The following BICRA variants were observed in gnomAD, a reference collection of about 807,000 sequenced individuals.
BICRA encodes the protein BRD4-interacting chromatin-remodeling complex-associated protein.
Under a neutral mutation model 96.9 loss-of-function variants are expected in BICRA, and 31 were observed. The observed-to-expected ratio is 0.32, with a 90% CI of 0.24 to 0.43. BICRA has a LOEUF of 0.43. BICRA is among the 20% of genes least tolerant of loss of function. The probability of loss-of-function intolerance (pLI) is 1.00; values close to 1 mark genes in which losing one functional copy is unlikely to be tolerated. For synonymous variants in BICRA, 1,350 were observed against 1,071.8 expected, an observed-to-expected ratio of 1.26 and a Z score of -5.07; for missense variants, 2,283 against 2,190.3, an observed-to-expected ratio of 1.04 and a Z score of -0.84.
intron 1 of BICRA, among the ~76,000 whole-genome samples, chr19:47,657,728 G>A (rs908858112): frequency 1.3e-5 from 2 of 152,124 alleles, no homozygotes; most frequent in Non-Finnish European, 2.9e-5. Context: ...TGCTTTTGTG[G>A]ACATACTTTT....
chr19:47,657,483 G>A (rs1473701251), intron 1 of BICRA, among the ~76,000 whole-genome samples: 1 of 150,296 alleles, frequency 6.7e-6, no homozygotes, highest in East Asian at 2.0e-4. Flanking sequence ...TGCAAGCTCC[G>A]CCTCACAGGT....
At chr19:47,684,190 T>A (rs1973110142) in intron 7 of BICRA, among the ~76,000 whole-genome samples, 1 of 152,120 alleles carries the variant, frequency 6.6e-6, no homozygotes, top group Admixed American at 6.6e-5. Flanking sequence ...ATTATTACTA[T>A]TATCTTGAGG....
rs1362276343 is a variant in BICRA at position 47,679,570 on chromosome 19, C to G, written c.400C>G (p.Leu134Val). 16 of 1,543,942 alleles carry G rather than the reference C, an allele frequency of 1.0e-5. No homozygotes were observed. The highest frequency in any genetic ancestry group is 1.3e-5 in the Non-Finnish European group (15 of 1,144,622). Residue 134 changes from leucine (L) to valine (V), a missense_variant, in exon 6 of 15, where the codon CTG becomes GTG. Coordinates refer to ENST00000594866, the MANE Select transcript of BICRA (RefSeq NM_001394372.1). The part of the protein sequence containing the change: ...LDLGPFQLPT[L>V]QPADGGAGPT... ...CCTGGGTCCCTTCCAGCTGCCCACC[C>G]TGCAGCCTGCGGATGGCGGGGCAGG...
At chr19:47,656,069 G>GAC (rs60179476) in intron 1 of BICRA, among the ~76,000 whole-genome samples, 21,501 of 132,028 alleles carry the variant, frequency 0.16, 1,714 homozygotes, top group African/African-American at 0.21. Flanking sequence ...ATCCTGTCTC[G>GAC]ACACACACAC....
intron 1 of BICRA, among the ~76,000 whole-genome samples, chr19:47,613,323 C>T (rs1392235108): frequency 6.6e-6 from 1 of 152,176 alleles, no homozygotes; most frequent in African/African-American, 2.4e-5. Flanking sequence ...GCCTTGACTC[C>T]AGGTCTCAAG....
chr19:47,694,480 C>CCA lies in BICRA; in HGVS notation c.2649_2650insCA (p.Thr884GlnfsTer64). 1 of 1,487,632 alleles carries CCA rather than the reference C, an allele frequency of 6.7e-7. No homozygotes were observed. Among genetic ancestry groups the CCA allele is most frequent in the Non-Finnish European group, 9.3e-7 (1 of 1,070,952 alleles). The allele number at this position is 1,487,632 out of a possible 1,614,324, so 92.2% of individuals were successfully genotyped here. A position where few individuals can be genotyped will look rare whatever the true frequency, so the allele number is the denominator to read the frequency against. On this transcript the variant is annotated frameshift_variant, in exon 8 of 15. Coordinates refer to ENST00000594866, the MANE Select transcript of BICRA (RefSeq NM_001394372.1). LOFTEE classifies it high-confidence loss of function. ...CAGCCCCCCACCTCCCTCCATCCTC[C>CCA]ACCTCCTCTGCTGTGGCCTCCTCCT...
chr19:47,684,018 G>C (rs1471080929), intron 7 of BICRA, among the ~76,000 whole-genome samples: 1 of 152,174 alleles, frequency 6.6e-6, no homozygotes. Context: ...GAACGGCCAT[G>C]GTTTCACTTG....
chr19:47,673,654 A>AC (rs1396909908), intron 3 of BICRA, 39 bp downstream of exon 3: 1 of 1,526,768 alleles, frequency 6.5e-7, no homozygotes, highest in Non-Finnish European at 9.1e-7. Flanking sequence ...CTCTGTCTCA[A>AC]CCCCCTCCCT....
chr19:47,626,497 A>G (rs68122388), intron 1 of BICRA: 40,967 of 151,072 alleles, frequency 0.27, 5,874 homozygotes, highest in Non-Finnish European at 0.32. Context: ...CCCAGGCTCA[A>G]GCAATCTTCC....
At chr19:47,644,504 T>G (rs1210614758) in intron 1 of BICRA, among the ~76,000 whole-genome samples, 1 of 128,722 alleles carries the variant, frequency 7.8e-6, no homozygotes, top group Non-Finnish European at 1.6e-5. Context: ...CCCTTCACCT[T>G]CCTTTTTTTT....
intron 1 of BICRA, among the ~76,000 whole-genome samples, chr19:47,625,791 C>T (rs558344779): frequency 4.6e-5 from 7 of 151,750 alleles, no homozygotes; most frequent in East Asian, 1.9e-4. Flanking sequence ...ATTGGGAAAG[C>T]GTTCAGGAGG....
chr19:47,653,491 G>A (rs905178450), intron 1 of BICRA, among the ~76,000 whole-genome samples: 2 of 152,172 alleles, frequency 1.3e-5, no homozygotes, highest in South Asian at 2.1e-4. Context: ...AAAAGAAGCC[G>A]TACTCATGAG....
At chr19:47,629,166 T>A (rs1310825327) in intron 1 of BICRA, among the ~76,000 whole-genome samples, 1 of 152,028 alleles carries the variant, frequency 6.6e-6, no homozygotes, top group Non-Finnish European at 1.5e-5. Context: ...CACGCCCGGC[T>A]AATTTTTTTT....
At chr19:47,668,446 T>A (rs567880174) in intron 1 of BICRA, among the ~76,000 whole-genome samples, 15 of 151,938 alleles carry the variant, frequency 9.9e-5, no homozygotes, top group Middle Eastern at 3.4e-3. Flanking sequence ...GTGTCGTTTT[T>A]GCAATCTGTT....
chr19:47,618,905 C>T (rs1032671799), intron 1 of BICRA, among the ~76,000 whole-genome samples: 1 of 152,214 alleles, frequency 6.6e-6, no homozygotes, highest in East Asian at 1.9e-4. Flanking sequence ...TGCCAACTCT[C>T]GTCCACCGTG....
At chr19:47,678,993 T>G (rs1371891031) in intron 5 of BICRA, 1 of 234,842 alleles carries the variant, frequency 4.3e-6, no homozygotes, top group Non-Finnish European at 8.1e-6. Context: ...CTCAAACTCC[T>G]GGGCTCCAGT....
chr19:47,685,797 G>GCA lies in BICRA; in HGVS notation c.2283+3646_2283+3647insAC, dbSNP rs1295933290. 6.8e-5 allele frequency among the ~76,000 whole-genome samples: 10 copies of GCA among 147,350 alleles called. No homozygotes were observed. In the East Asian group the frequency reaches 7.9e-4, roughly 12 times the overall value. On this transcript the variant is annotated intron_variant, in intron 7 of 14. Coordinates refer to ENST00000594866, the MANE Select transcript of BICRA (RefSeq NM_001394372.1). ...TGTGTGTGTGTGTGTGCGCGCGCGCGCGCATGCGTACATTTTCCCTTTGTG... is the reference window on the plus strand; with the variant it reads ...TGTGTGTGTGTGTGTGCGCGCGCGCGCACGCATGCGTACATTTTCCCTTTGTG...
chr19:47,648,852 ATTTT>A (rs1359940506), intron 1 of BICRA, among the ~76,000 whole-genome samples: 1 of 125,178 alleles, frequency 8.0e-6, no homozygotes. Flanking sequence ...ACGCTGGGCT[ATTTT>A]TTTTTTTTTT....
At chr19:47,649,146 C>T (rs900565401) in intron 1 of BICRA, among the ~76,000 whole-genome samples, 12 of 151,812 alleles carry the variant, frequency 7.9e-5, no homozygotes, top group Non-Finnish European at 1.2e-4. Flanking sequence ...CCACTGCACC[C>T]GGCCTAATTT....
Sources: gnomAD v4.1 joint callset for allele counts (sites outside exome capture counted in the v4.1 genomes callset) on GRCh38, gnomAD v4.1.1 for gene constraint, MANE v1.5 for transcripts, NCBI Gene and HGNC (gene_info 2026-07-23, HGNC 2026-07-21) for gene names.